ALK: variants seen among roughly 807,000 people sequenced by gnomAD.
ALK encodes ALK receptor tyrosine kinase.
Under a neutral mutation model 163.1 loss-of-function variants are expected in ALK, and 74 were observed. The observed-to-expected ratio is 0.45, with a 90% CI of 0.38 to 0.55. The LOEUF is 0.55. Ranked by LOEUF, ALK falls within the 20% of genes least tolerant of loss-of-function variation. The pLI, the probability that ALK is intolerant of heterozygous loss-of-function variation, is 0.00. For synonymous variants in ALK, 960 were observed against 843.2 expected, an observed-to-expected ratio of 1.14 and a Z score of -2.40; for missense variants, 2,063 against 2,105.3, an observed-to-expected ratio of 0.98 and a Z score of 0.39.
At chr2:29,432,989 C>T (rs1670309938) in intron 4 of ALK, among the ~76,000 whole-genome samples, 1 of 152,124 alleles carries the variant, frequency 6.6e-6, no homozygotes, top group Admixed American at 6.5e-5. Flanking sequence ...AATAGATAGT[C>T]AATAAGATCC....
intron 4 of ALK, among the ~76,000 whole-genome samples, chr2:29,403,210 G>A (rs765113398): frequency 2.6e-5 from 4 of 152,146 alleles, no homozygotes; most frequent in African/African-American, 4.8e-5. Flanking sequence ...TCTCAGTCAC[G>A]CATCAAAAAC....
At chr2:29,257,402 G>T (rs1212505707) in intron 11 of ALK, among the ~76,000 whole-genome samples, 1 of 151,918 alleles carries the variant, frequency 6.6e-6, no homozygotes, top group Non-Finnish European at 1.5e-5. Flanking sequence ...TAAGCACTGG[G>T]TTTCATTTTA....
At chr2:29,519,355 C>G (rs1672753356) in intron 4 of ALK, among the ~76,000 whole-genome samples, 2 of 152,100 alleles carry the variant, frequency 1.3e-5, no homozygotes, top group Non-Finnish European at 2.9e-5. Flanking sequence ...GTTCATGATT[C>G]CATGATTGAA....
chr2:29,788,648 G>A (rs1664107465), intron 1 of ALK, among the ~76,000 whole-genome samples: 1 of 152,166 alleles, frequency 6.6e-6, no homozygotes, highest in South Asian at 2.1e-4. Context: ...AAGAACCTCA[G>A]TAAGACTAAC....
chr2:29,549,034 A>T (rs1673644462), intron 3 of ALK, among the ~76,000 whole-genome samples: 2 of 58,978 alleles, frequency 3.4e-5, no homozygotes, highest in Non-Finnish European at 8.0e-5. Context: ...GAGGAGAAGG[A>T]GGAGGAGGAG....
chr2:29,682,081 T>A (rs1453751711), intron 3 of ALK, among the ~76,000 whole-genome samples: 2 of 152,214 alleles, frequency 1.3e-5, no homozygotes, highest in African/African-American at 4.8e-5. Flanking sequence ...CCATTTAGTC[T>A]GTATGTCAGC....
intron 2 of ALK, among the ~76,000 whole-genome samples, chr2:29,696,323 G>A (rs1475997802): frequency 6.6e-6 from 1 of 152,050 alleles, no homozygotes; most frequent in Admixed American, 6.6e-5. Context: ...TCATAAGTGG[G>A]AGTTGAACAA....
Position 29,717,665 on chromosome 2 carries a change from G to A in ALK, c.700C>T (p.Pro234Ser). 1 of 1,613,974 alleles carries A rather than the reference G, an allele frequency of 6.2e-7. No individual in the cohort carries two copies. The highest frequency in any genetic ancestry group is 8.5e-7 in the Non-Finnish European group (1 of 1,179,854). The change falls in exon 2 of 29, where the codon CCT becomes TCT. Residue 234 changes from proline to serine, a missense_variant. Pro to Ser is a moderately conservative substitution (Grantham distance 74). Coordinates refer to ENST00000389048, the MANE Select transcript of ALK (RefSeq NM_004304.5). ...HSSLESPTNM[P>S]SPSPDYFTWN... ...GTAAAATAATCAGGAGAAGGAGAAG[G>A]CATGTTTGTTGGTGATTCCAAGGAG...
intron 3 of ALK, among the ~76,000 whole-genome samples, chr2:29,555,603 T>A (rs916617781): frequency 9.9e-5 from 15 of 152,194 alleles, no homozygotes; most frequent in African/African-American, 3.6e-4. Context: ...ATTTAATGAA[T>A]ATGATTTATA....
chr2:29,914,450 A>C (rs1459686583), intron 1 of ALK, among the ~76,000 whole-genome samples: 1 of 152,234 alleles, frequency 6.6e-6, no homozygotes, highest in Non-Finnish European at 1.5e-5. Context: ...CTAGAGTTGC[A>C]GAGTGCACAG....
chr2:29,552,239 T>C (rs1270559384), intron 3 of ALK, among the ~76,000 whole-genome samples: 4 of 152,226 alleles, frequency 2.6e-5, no homozygotes, highest in Non-Finnish European at 5.9e-5. Flanking sequence ...ATTTCGTTTA[T>C]CCATTCATCT....
At chr2:29,265,522 CAGTT>C (rs1665200299) in intron 11 of ALK, among the ~76,000 whole-genome samples, 1 of 152,164 alleles carries the variant, frequency 6.6e-6, no homozygotes, top group Non-Finnish European at 1.5e-5. Context: ...TTCTGATTCT[CAGTT>C]AGGTTGCTGG....
intron 4 of ALK, among the ~76,000 whole-genome samples, chr2:29,445,929 C>G (rs554788088): frequency 8.2e-4 from 123 of 150,372 alleles, no homozygotes; most frequent in African/African-American, 2.9e-3. Context: ...GAAACCCCGT[C>G]TCTACTAAAA....
In ALK at chr2:29,275,108, C is replaced by G. The variant is rs892131322; in HGVS notation, c.2032G>C (p.Asp678His). 6.2e-7 allele frequency: 1 copy of G among 1,614,116 alleles called. No individual in the cohort carries two copies. Among genetic ancestry groups the G allele is most frequent in the South Asian group, 1.1e-5 (1 of 91,074 alleles). ...ENSPRQTPIF[D>H]PTVHWLFTTC... Reference sequence around the variant, plus strand: ...TGAGCTGAACCCTTACCTGTAGGGTCAAAGATGGGGGTCTGTCTTGGTGAA... The same window carrying G: ...TGAGCTGAACCCTTACCTGTAGGGTGAAAGATGGGGGTCTGTCTTGGTGAA... Residue 678 changes from aspartate to histidine, a missense_variant, in exon 11 of 29, where the codon GAC (aspartate) becomes CAC (histidine). Transcript: ENST00000389048.
intron 15 of ALK, among the ~76,000 whole-genome samples, chr2:29,231,767 G>C (rs115399774): frequency 1.3e-5 from 2 of 152,174 alleles, no homozygotes; most frequent in East Asian, 3.9e-4. Context: ...AGGAATCAGG[G>C]AATTGACACT....
intron 1 of ALK, among the ~76,000 whole-genome samples, chr2:29,794,848 T>C (rs1664267807): frequency 6.6e-6 from 1 of 152,144 alleles, no homozygotes. Flanking sequence ...GTTTGAGATA[T>C]TGCGAGAATT....
intron 1 of ALK, among the ~76,000 whole-genome samples, chr2:29,893,921 C>G (rs1470209729): frequency 2.6e-5 from 4 of 152,046 alleles, no homozygotes; most frequent in African/African-American, 7.2e-5. Context: ...TTTAAAGTCT[C>G]TTATGGACTG....
intron 1 of ALK, among the ~76,000 whole-genome samples, chr2:29,822,566 G>C (rs1665079554): frequency 6.6e-6 from 1 of 152,190 alleles, no homozygotes; most frequent in African/African-American, 2.4e-5. Flanking sequence ...TGTTCTCTAG[G>C]ACTTGAGTGG....
chr2:29,772,844 G>A (rs1200752760), intron 1 of ALK, among the ~76,000 whole-genome samples: 2 of 152,178 alleles, frequency 1.3e-5, no homozygotes, highest in Admixed American at 6.5e-5. Flanking sequence ...TACAGGTCTT[G>A]ATAATATTTT....
Sources: gnomAD v4.1 joint callset for allele counts (sites outside exome capture counted in the v4.1 genomes callset) on GRCh38, gnomAD v4.1.1 for gene constraint, MANE v1.5 for transcripts, NCBI Gene and HGNC (gene_info 2026-07-23, HGNC 2026-07-21) for gene names.